The following GLRA3 variants were observed in gnomAD, a reference collection of about 807,000 sequenced individuals.
The protein encoded by GLRA3 is glycine receptor alpha 3.
In GLRA3, 44 loss-of-function variants were observed where a neutral mutation model predicts 60.4. The observed-to-expected ratio is 0.73, with a 90% CI of 0.57 to 0.94. GLRA3 has a LOEUF of 0.94. Among genes scored for constraint, GLRA3 ranks in the 40% least tolerant of loss-of-function variants. The pLI, the probability that GLRA3 is intolerant of heterozygous loss-of-function variation, is 0.00. For missense variants in GLRA3, 508 were observed against 564.6 expected, an observed-to-expected ratio of 0.90 and a Z score of 1.02; for synonymous variants, 223 against 192.9, an observed-to-expected ratio of 1.16 and a Z score of -1.29.
chr4:174,700,890 A>G lies in GLRA3; in HGVS notation c.574+14598T>C, dbSNP rs887002039. Among the ~76,000 whole-genome samples the G allele has an allele frequency of 5.3e-5, 8 of 152,186 alleles. No individual in the cohort carries two copies. The South Asian group carries it at 1.0e-3, about 20-fold the overall frequency. Reference sequence around the variant, plus strand: ...GAGAGGTGAAGAAGCTGCAGAATTAAAATTGGAAGCTAGCAGAGGTTAGTT... The same window carrying G: ...GAGAGGTGAAGAAGCTGCAGAATTAGAATTGGAAGCTAGCAGAGGTTAGTT... On this transcript the variant is annotated intron_variant, in intron 5 of 9. Transcript: ENST00000274093.
At chr4:174,679,846 T>G (rs1734275060) in intron 6 of GLRA3, among the ~76,000 whole-genome samples, 1 of 152,192 alleles carries the variant, frequency 6.6e-6, no homozygotes, top group Admixed American at 6.5e-5. Flanking sequence ...AAATAGTGGT[T>G]TCGAGAGGCT....
intron 1 of GLRA3, among the ~76,000 whole-genome samples, chr4:174,813,823 CTCTT>C (rs1243593486): frequency 6.6e-6 from 1 of 152,170 alleles, no homozygotes; most frequent in Admixed American, 6.5e-5. Flanking sequence ...TCCCTCTTGT[CTCTT>C]TCTAAGTATT....
chr4:174,674,656 C>T (rs1303852631), intron 7 of GLRA3, among the ~76,000 whole-genome samples: 1 of 152,138 alleles, frequency 6.6e-6, no homozygotes, highest in African/African-American at 2.4e-5. Context: ...GCAAAGATCA[C>T]AAAATTATGA....
intron 5 of GLRA3, among the ~76,000 whole-genome samples, chr4:174,694,773 A>T (rs1734985255): frequency 6.6e-6 from 1 of 151,804 alleles, no homozygotes; most frequent in Non-Finnish European, 1.5e-5. Context: ...CAAAAAAGCC[A>T]TTCGAAAGCC....
intron 9 of GLRA3, among the ~76,000 whole-genome samples, chr4:174,645,820 A>C (rs1391921283): frequency 6.6e-6 from 1 of 152,156 alleles, no homozygotes; most frequent in African/African-American, 2.4e-5. Context: ...GCGTCCATGA[A>C]ATTTTTAAGG....
At chr4:174,788,616 ATAGCTGGGC>A (rs1739209016) in intron 2 of GLRA3, among the ~76,000 whole-genome samples, 191 bp downstream of exon 2, 1 of 149,652 alleles carries the variant, frequency 6.7e-6, no homozygotes. Flanking sequence ...AAAAAAAGAC[ATAGCTGGGC>A]CAAAGAAGGC....
chr4:174,674,438 T>A (rs189896841), intron 7 of GLRA3, among the ~76,000 whole-genome samples: 49 of 152,292 alleles, frequency 3.2e-4, no homozygotes, highest in African/African-American at 1.2e-3. Flanking sequence ...GTTCTTGCTT[T>A]GAGAGACTAC....
intron 5 of GLRA3, among the ~76,000 whole-genome samples, chr4:174,703,633 C>T (rs1356490195): frequency 6.6e-6 from 1 of 152,080 alleles, no homozygotes; most frequent in Non-Finnish European, 1.5e-5. Context: ...TCCTAATTCA[C>T]AGATTTGTGG....
chr4:174,699,566 T>C (rs1735213652), intron 5 of GLRA3, among the ~76,000 whole-genome samples: 4 of 152,148 alleles, frequency 2.6e-5, no homozygotes, highest in Non-Finnish European at 1.5e-5. Flanking sequence ...ATTCCTAATA[T>C]ATTGTTATGA....
chr4:174,678,161 C>A (rs559502843), intron 6 of GLRA3, among the ~76,000 whole-genome samples: 4 of 152,198 alleles, frequency 2.6e-5, no homozygotes, highest in South Asian at 4.1e-4. Flanking sequence ...ACAAAGGGAT[C>A]CATTTGTACT....
chr4:174,643,093 C>T lies in GLRA3; in HGVS notation c.*693G>A, dbSNP rs1302593514. ...AAGTTGTTTCCCGTATTTCCACCTT[C>T]GTTCCTAGAGATACAAAGTTTAAGA... is the stretch of plus-strand genomic sequence containing the variant. On this transcript the variant is annotated 3_prime_UTR_variant, in exon 10 of 10. Coordinates refer to ENST00000274093, the MANE Select transcript of GLRA3 (RefSeq NM_006529.4). The T allele has an allele frequency of 5.4e-6, 5 of 931,820 alleles. No individual in the cohort carries two copies. Among genetic ancestry groups the T allele is most frequent in the Non-Finnish European group, 5.1e-6 (4 of 782,332 alleles). The allele number at this position is 931,820 out of a possible 1,614,324, so 57.7% of individuals were successfully genotyped here.
intron 3 of GLRA3, among the ~76,000 whole-genome samples, chr4:174,760,733 T>C (rs1737908060): frequency 1.3e-5 from 2 of 152,192 alleles, no homozygotes; most frequent in Admixed American, 6.5e-5. Flanking sequence ...TTGGCCAGGC[T>C]GGTCTTGAAC....
At chr4:174,661,193 A>T (rs1456857128) in intron 7 of GLRA3, among the ~76,000 whole-genome samples, 1 of 152,152 alleles carries the variant, frequency 6.6e-6, no homozygotes, top group Non-Finnish European at 1.5e-5. Flanking sequence ...TCACACACAC[A>T]CATAAAATGT....
chr4:174,810,448 T>A (rs1414958567), intron 1 of GLRA3, among the ~76,000 whole-genome samples: 1 of 151,454 alleles, frequency 6.6e-6, no homozygotes, highest in East Asian at 1.9e-4. Context: ...TATATATATA[T>A]TATATACATA....
intron 2 of GLRA3, among the ~76,000 whole-genome samples, chr4:174,768,974 C>T (rs1738269164): frequency 1.3e-5 from 2 of 152,078 alleles, no homozygotes. Flanking sequence ...AAACTAATAT[C>T]TAAGACTAAT....
At chr4:174,706,601 G>C (rs1268633938) in intron 5 of GLRA3, among the ~76,000 whole-genome samples, 2 of 152,140 alleles carry the variant, frequency 1.3e-5, no homozygotes, top group African/African-American at 4.8e-5. Context: ...AAACAAAAAA[G>C]GGATCCTCGG....
intron 9 of GLRA3, among the ~76,000 whole-genome samples, chr4:174,646,723 T>C (rs1732833296): frequency 6.6e-6 from 1 of 152,198 alleles, no homozygotes; most frequent in Non-Finnish European, 1.5e-5. Flanking sequence ...GTGAGGCAGA[T>C]GCTGGAGGTC....
chr4:174,744,591 T>C (rs1393942315), intron 3 of GLRA3, among the ~76,000 whole-genome samples: 1 of 152,216 alleles, frequency 6.6e-6, no homozygotes, highest in African/African-American at 2.4e-5. Context: ...CACGACTGCA[T>C]GCACCCAGAA....
chr4:174,647,399 A>G (rs1303163494), intron 9 of GLRA3, among the ~76,000 whole-genome samples: 1 of 141,322 alleles, frequency 7.1e-6, no homozygotes, highest in Non-Finnish European at 1.5e-5. Context: ...AGAGTGAGAG[A>G]TCCCATCTCA....
Sources: gnomAD v4.1 joint callset for allele counts (sites outside exome capture counted in the v4.1 genomes callset) on GRCh38, gnomAD v4.1.1 for gene constraint, MANE v1.5 for transcripts, NCBI Gene and HGNC (gene_info 2026-07-23, HGNC 2026-07-21) for gene names.